The following MPRIP variants were observed in gnomAD, a reference collection of about 807,000 sequenced individuals.
MPRIP encodes the protein myosin phosphatase Rho-interacting protein.
In MPRIP, 59 loss-of-function variants were observed where a neutral mutation model predicts 234.9. The ratio of observed to expected loss-of-function variants is 0.25; its 90% CI spans 0.20 to 0.31. The LOEUF (loss-of-function observed/expected upper bound fraction) is 0.31, where lower values mean the gene tolerates loss of function less well. Among genes scored for constraint, MPRIP ranks in the 10% least tolerant of loss-of-function variants. The pLI, the probability that MPRIP is intolerant of heterozygous loss-of-function variation, is 1.00. For missense variants in MPRIP, 2,436 were observed against 3,071.0 expected (o/e 0.79, Z 4.89); for synonymous variants, 1,144 against 1,263.9 (o/e 0.91, Z 2.01).
rs915322901 is a variant in MPRIP, at chr17:17,167,669, G to A, written c.6078G>A (p.Gln2026=). The change falls in exon 16 of 24, where the codon CAG becomes CAA. Residue 2026 remains glutamine, a synonymous_variant. Coordinates refer to ENST00000651222, the MANE Select transcript of MPRIP (RefSeq NM_001364716.4). This position sits in a 1 kb window ranked among gnomAD's most constrained non-coding sequence, Gnocchi z 5.9. ...ELRTLQEHYS[Q]SLRCLQDTLC... The stretch of plus-strand genomic sequence containing the variant: ...GGACCCTGCAGGAGCACTACTCGCA[G>A]AGCCTGAGGTGCCTTCAGGACACCC... The A allele has an allele frequency of 6.1e-6, 8 of 1,304,146 alleles. No individual in the cohort carries two copies. In the African/African-American group the frequency reaches 9.1e-5, roughly 15 times the overall value. 80.8% of individuals were successfully genotyped at this position (1,304,146 alleles called of 1,614,324 possible).
chr17:17,090,001 C>T (rs1234561800), intron 3 of MPRIP, among the ~76,000 whole-genome samples: 3 of 151,684 alleles, frequency 2.0e-5, no homozygotes, highest in Non-Finnish European at 4.4e-5. Flanking sequence ...GCAGACACGA[C>T]GCCTGGCCTC....
chr17:17,138,010 G>C lies in MPRIP; in HGVS notation c.831G>C (p.Leu277Phe). 14 of 1,612,156 alleles carry C rather than the reference G, an allele frequency of 8.7e-6. No homozygotes were observed. Among genetic ancestry groups the C allele is most frequent in the African/African-American group, 1.3e-5 (1 of 74,928 alleles). Residue 277 changes from leucine to phenylalanine, a missense_variant, in exon 7 of 24, where the codon TTG (leucine) becomes TTC (phenylalanine). Around this residue, in one of 4 missense-constraint regions of MPRIP, gnomAD observed 267 missense variants for 252.7 expected, o/e 1.06. Coordinates refer to ENST00000651222, the MANE Select transcript of MPRIP (RefSeq NM_001364716.4). The surrounding 1 kb of genome is among the most constrained non-coding windows in gnomAD (Gnocchi z 5.8). ...CTCTGGAGAAGACCAAACAGGACTT[G>C]AAGGCTGAAGAACAGCAGCTGCCCC... ...YFSLEKTKQD[L>F]KAEEQQLPPP...
intron 3 of MPRIP, among the ~76,000 whole-genome samples, chr17:17,082,870 C>G (rs2089497210): frequency 6.6e-6 from 1 of 152,192 alleles, no homozygotes; most frequent in Non-Finnish European, 1.5e-5. Flanking sequence ...AGTGTTTGTC[C>G]TTTGTGACTG....
chr17:17,164,600 A>C lies in MPRIP; in HGVS notation c.3009A>C (p.Gln1003His). Residue 1003 changes from glutamine (Q) to histidine (H), a missense_variant, in exon 16 of 24, where the codon CAA (glutamine) becomes CAC (histidine). Physicochemically the swap from Gln to His is conservative, Grantham distance 24. Around this residue, in one of 4 missense-constraint regions of MPRIP, gnomAD observed 1,998 missense variants for 2,520.3 expected, o/e 0.79. Coordinates refer to ENST00000651222, the MANE Select transcript of MPRIP (RefSeq NM_001364716.4). Reference protein sequence around the residue: ...LQERIADLSQQLGASEQAQRL... With the variant: ...LQERIADLSQHLGASEQAQRL... Reference sequence around the variant, plus strand: ...AGCGCATTGCCGACCTCAGCCAGCAACTGGGCGCCAGTGAGCAGGCGCAGC... The same window carrying C: ...AGCGCATTGCCGACCTCAGCCAGCACCTGGGCGCCAGTGAGCAGGCGCAGC... 1 of 1,213,188 alleles carries C rather than the reference A, an allele frequency of 8.2e-7. No individual in the cohort carries two copies. Among genetic ancestry groups the C allele is most frequent in the Non-Finnish European group, 1.1e-6 (1 of 947,514 alleles). 75.2% of individuals were successfully genotyped at this position (1,213,188 alleles called of 1,614,324 possible). A position where few individuals can be genotyped will look rare whatever the true frequency, so the allele number is the denominator to read the frequency against.
At chr17:17,083,360 A>G (rs2089509956) in intron 3 of MPRIP, among the ~76,000 whole-genome samples, 1 of 152,212 alleles carries the variant, frequency 6.6e-6, no homozygotes, top group South Asian at 2.1e-4. Flanking sequence ...AGAGCACTCC[A>G]GGTGCAGACA....
At chr17:17,174,870 G>A (rs973530830) in intron 19 of MPRIP, among the ~76,000 whole-genome samples, 3 of 152,116 alleles carry the variant, frequency 2.0e-5, no homozygotes, top group African/African-American at 7.2e-5. Flanking sequence ...TAATGGAAAG[G>A]TTCAAGCCAG....
rs765907383 is a variant in MPRIP at position 17,126,693 on chromosome 17, T to G, written c.268-9T>G. 4 of 1,607,166 alleles carry G rather than the reference T, an allele frequency of 2.5e-6. No individual in the cohort carries two copies. Among genetic ancestry groups the G allele is most frequent in the East Asian group, 2.2e-5 (1 of 44,768 alleles). ...GGCCTCTGGGTGACTCTCTGCCGCCTTCTTCCAGCCCACGACCCTTCCTCA... is the reference window on the plus strand; with the variant it reads ...GGCCTCTGGGTGACTCTCTGCCGCCGTCTTCCAGCCCACGACCCTTCCTCA... On this transcript the variant is annotated splice_polypyrimidine_tract_variant and intron_variant, in intron 3 of 23. Transcript: ENST00000651222.
intron 3 of MPRIP, among the ~76,000 whole-genome samples, chr17:17,098,604 A>G (rs1355650089): frequency 6.6e-6 from 1 of 152,170 alleles, no homozygotes; most frequent in African/African-American, 2.4e-5. Context: ...TCCAGGAGAA[A>G]GAAGGAAGGG....
chr17:17,112,837 A>G (rs574285202), intron 3 of MPRIP, among the ~76,000 whole-genome samples: 2 of 152,276 alleles, frequency 1.3e-5, no homozygotes, highest in South Asian at 4.2e-4. Context: ...ACTGCGTTCC[A>G]TCCCCACTGA....
chr17:17,146,692 G>A (rs2045473231), intron 10 of MPRIP, among the ~76,000 whole-genome samples: 1 of 152,210 alleles, frequency 6.6e-6, no homozygotes, highest in African/African-American at 2.4e-5. Context: ...ATGAAGAAAA[G>A]CCTGCTGGGT....
At chr17:17,141,406 G>A (rs1567744757) in intron 7 of MPRIP, 1 of 152,262 alleles carries the variant, frequency 6.6e-6, no homozygotes. Flanking sequence ...CTCCGCTGCT[G>A]GTTCTAGCAG....
chr17:17,055,792 C>T (rs369450879), intron 1 of MPRIP, among the ~76,000 whole-genome samples: 1 of 152,268 alleles, frequency 6.6e-6, no homozygotes, highest in East Asian at 1.9e-4. Context: ...GGAGGTTTTC[C>T]TATACGGAAA....
intron 3 of MPRIP, among the ~76,000 whole-genome samples, chr17:17,102,140 G>A (rs1056126755): frequency 2.0e-5 from 3 of 151,696 alleles, no homozygotes; most frequent in African/African-American, 7.3e-5. Context: ...CTCCTGCCTC[G>A]GCCTCCCAAA....
intron 3 of MPRIP, among the ~76,000 whole-genome samples, chr17:17,106,724 G>A (rs1350660125): frequency 6.6e-6 from 1 of 152,184 alleles, no homozygotes; most frequent in Non-Finnish European, 1.5e-5. Flanking sequence ...CGCCACACAT[G>A]GAAGGAAATC....
intron 3 of MPRIP, among the ~76,000 whole-genome samples, chr17:17,085,860 CT>C (rs1201719739): frequency 6.6e-6 from 1 of 152,184 alleles, no homozygotes; most frequent in Non-Finnish European, 1.5e-5. Context: ...TTGCAGTGAG[CT>C]GAGATCACGC....
intron 1 of MPRIP, among the ~76,000 whole-genome samples, chr17:17,049,416 T>C (rs190205420): frequency 6.6e-5 from 10 of 152,364 alleles, no homozygotes; most frequent in African/African-American, 2.2e-4. Flanking sequence ...AGTCAGGGAC[T>C]GTCTGTACAA....
At chr17:17,047,771 G>T (rs564909140) in intron 1 of MPRIP, among the ~76,000 whole-genome samples, 5 of 152,188 alleles carry the variant, frequency 3.3e-5, no homozygotes, top group Non-Finnish European at 4.4e-5. Context: ...AAATAATATG[G>T]TAAGTTTGAC....
At chr17:17,089,427 C>G (rs2089664000) in intron 3 of MPRIP, among the ~76,000 whole-genome samples, 1 of 152,214 alleles carries the variant, frequency 6.6e-6, no homozygotes, top group Admixed American at 6.5e-5. Flanking sequence ...TCACATTTTC[C>G]TCTGCCTCCC....
intron 18 of MPRIP, 186 bp from the exon 19 acceptor site, chr17:17,173,730 A>AC: frequency 1.4e-6 from 1 of 723,172 alleles, no homozygotes; most frequent in Non-Finnish European, 2.5e-6. Context: ...GTGAGAAAGG[A>AC]CCAGGGAGGG....
Sources: allele counts gnomAD v4.1 joint callset (sites outside exome capture counted in the v4.1 genomes callset), GRCh38; gene constraint gnomAD v4.1.1; regional missense constraint gnomAD v4.1.1; non-coding constraint Gnocchi (gnomAD v3.1); transcripts MANE v1.5; gene names NCBI Gene and HGNC (gene_info 2026-07-23, HGNC 2026-07-21).